Variants in SORBS2 observed in about 807,000 individuals in gnomAD.
SORBS2 encodes sorbin and SH3 domain-containing protein 2.
Under a neutral mutation model 97.7 loss-of-function variants are expected in SORBS2, and 46 were observed. The observed-to-expected ratio is 0.47, with a 90% confidence interval of 0.37 to 0.60. The LOEUF (loss-of-function observed/expected upper bound fraction) is 0.60. Among genes scored for constraint, SORBS2 ranks in the 20% least tolerant of loss-of-function variants. The pLI is 0.00. For synonymous variants in SORBS2, 476 were observed against 473.4 expected, an observed-to-expected ratio of 1.01 and a Z score of -0.07; for missense variants, 1,316 against 1,282.3, an observed-to-expected ratio of 1.03 and a Z score of -0.40.
intron 1 of SORBS2, among the ~76,000 whole-genome samples, chr4:185,781,701 C>T (rs568927151): frequency 2.4e-4 from 28 of 115,690 alleles, no homozygotes; most frequent in East Asian, 2.3e-3. Flanking sequence ...CCATTGCCTC[C>T]GGCCTCTCCA....
chr4:185,646,537 T>C (rs1210483279), intron 4 of SORBS2, 131 bp downstream of exon 13: 11 of 607,608 alleles, frequency 1.8e-5, no homozygotes, highest in East Asian at 1.6e-4. Flanking sequence ...CAAATCATTA[T>C]ACAAAATAAA....
intron 4 of SORBS2, among the ~76,000 whole-genome samples, chr4:185,636,197 T>C (rs1358743734): frequency 6.6e-6 from 1 of 152,002 alleles, no homozygotes; most frequent in African/African-American, 2.4e-5. Flanking sequence ...ACAATACATA[T>C]AAAATAAAGC....
chr4:185,710,896 G>A (rs751194493), intron 2 of SORBS2, among the ~76,000 whole-genome samples: 3 of 152,200 alleles, frequency 2.0e-5, no homozygotes, highest in Non-Finnish European at 4.4e-5. Context: ...TCACATCCCT[G>A]TCAGGAAACT....
chr4:185,670,210 C>T (rs1168518962), intron 4 of SORBS2, among the ~76,000 whole-genome samples: 1 of 151,676 alleles, frequency 6.6e-6, no homozygotes, highest in Admixed American at 6.6e-5. Context: ...CAGAGCAAGA[C>T]TCTGTCTCAA....
At chr4:185,841,129 A>T (rs2099211256) in intron 1 of SORBS2, among the ~76,000 whole-genome samples, 1 of 152,232 alleles carries the variant, frequency 6.6e-6, no homozygotes, top group Admixed American at 6.5e-5. Context: ...GTTAAAGGCC[A>T]GGCCTTTCTC....
intron 1 of SORBS2, among the ~76,000 whole-genome samples, chr4:185,871,904 T>C (rs1018737015): frequency 6.6e-6 from 1 of 152,254 alleles, no homozygotes; most frequent in Admixed American, 6.5e-5. Flanking sequence ...TGTGACTTCC[T>C]TCTCTCAGGA....
rs760134727 is a variant in SORBS2 at position 185,623,998 on chromosome 4, C to T, written c.1131G>A (p.Val377=). Residue 377 remains valine, a synonymous_variant, in exon 7 of 15, where the codon GTG becomes GTA. Transcript: ENST00000418609. The surrounding 1 kb of genome is among the most constrained non-coding windows in gnomAD (Gnocchi z 6.4). ...TCTCGTACTGCAGAATCCTGGACTT[C>T]ACGGAGCAGATCACCTCGGAGTTCA... The T allele has an allele frequency of 2.5e-6, 4 of 1,614,208 alleles. No homozygotes were observed. Among genetic ancestry groups the T allele is most frequent in the Middle Eastern group, 1.6e-4 (1 of 6,062 alleles).
chr4:185,779,535 G>A (rs1370680876), intron 1 of SORBS2, among the ~76,000 whole-genome samples: 3 of 152,306 alleles, frequency 2.0e-5, no homozygotes, highest in South Asian at 2.1e-4. Flanking sequence ...CATATATTTA[G>A]AGGGTTTCTC....
chr4:185,686,218 T>C (rs2097955755), intron 2 of SORBS2, among the ~76,000 whole-genome samples: 1 of 152,160 alleles, frequency 6.6e-6, no homozygotes, highest in Non-Finnish European at 1.5e-5. Flanking sequence ...AAGGAAAGTA[T>C]CAAGTTTGTT....
At chr4:185,773,020 C>T (rs1325884587) in intron 2 of SORBS2, 2 of 148,458 alleles carry the variant, frequency 1.3e-5, no homozygotes, top group South Asian at 2.1e-4. Context: ...TCCAAAGTTT[C>T]AACGTAAAAT....
intron 7 of SORBS2, among the ~76,000 whole-genome samples, chr4:185,621,653 A>T (rs1233276603): frequency 1.3e-5 from 2 of 152,204 alleles, no homozygotes; most frequent in Non-Finnish European, 2.9e-5. Context: ...AGTGTAGCAA[A>T]AGTGAAAGCA....
intron 4 of SORBS2, among the ~76,000 whole-genome samples, 189 bp from the exon 16 acceptor site, chr4:185,635,600 G>A (rs1461865808): frequency 6.6e-6 from 1 of 152,142 alleles, no homozygotes; most frequent in Non-Finnish European, 1.5e-5. Context: ...TGCAACGTCT[G>A]CAAATATTCT....
intron 1 of SORBS2, among the ~76,000 whole-genome samples, chr4:185,862,087 A>G (rs1266638461): frequency 6.6e-6 from 1 of 152,178 alleles, no homozygotes; most frequent in East Asian, 1.9e-4. Flanking sequence ...CAGAGGAAGA[A>G]AATTTCCAGA....
At chr4:185,590,789 A>G (rs890380535) in intron 13 of SORBS2, among the ~76,000 whole-genome samples, 2 of 152,214 alleles carry the variant, frequency 1.3e-5, no homozygotes, top group Admixed American at 6.5e-5. Flanking sequence ...GTAGCTGAGA[A>G]GGTCAAGAAG....
chr4:185,601,550 C>G (rs28723469), intron 12 of SORBS2, among the ~76,000 whole-genome samples: 1 of 152,072 alleles, frequency 6.6e-6, no homozygotes, highest in Non-Finnish European at 1.5e-5. Context: ...GGCCACCATA[C>G]CAGTCCCGGA....
At chr4:185,909,081 A>G (rs931832176) in intron 1 of SORBS2, among the ~76,000 whole-genome samples, 12 of 152,310 alleles carry the variant, frequency 7.9e-5, no homozygotes, top group Admixed American at 2.6e-4. Context: ...CGTTATATCA[A>G]AAAGACATCT....
At chr4:185,597,867 T>A (rs537591937) in intron 12 of SORBS2, among the ~76,000 whole-genome samples, 7 of 152,282 alleles carry the variant, frequency 4.6e-5, no homozygotes, top group African/African-American at 1.2e-4. Context: ...GCTGGAAAAA[T>A]TTTAAAAGCC....
chr4:185,640,235 A>G (rs2097104249), intron 4 of SORBS2, among the ~76,000 whole-genome samples: 1 of 152,214 alleles, frequency 6.6e-6, no homozygotes, highest in Non-Finnish European at 1.5e-5. Context: ...AATGCTTACA[A>G]TGAGATACCA....
chr4:185,793,275 T>C (rs765583810), intron 1 of SORBS2, among the ~76,000 whole-genome samples: 13 of 152,230 alleles, frequency 8.5e-5, no homozygotes, highest in Non-Finnish European at 1.3e-4. Flanking sequence ...CTGCAGTCTC[T>C]ACTAGCCTAG....
Sources: allele counts gnomAD v4.1 joint callset (sites outside exome capture counted in the v4.1 genomes callset), GRCh38; gene constraint gnomAD v4.1.1; non-coding constraint Gnocchi (gnomAD v3.1); transcripts MANE v1.5; gene names NCBI Gene and HGNC (gene_info 2026-07-23, HGNC 2026-07-21).